The following NR4A2 variants were observed in gnomAD, a reference collection of about 807,000 sequenced individuals.
NR4A2 encodes the protein NGFI-B/nur77 beta-type transcription factor homolog.
NR4A2 carries 1 observed loss-of-function variant against 50.5 expected under a neutral mutation model. The ratio of observed to expected loss-of-function variants is 0.02; its 90% CI spans 0.01 to 0.09. NR4A2 has a LOEUF of 0.09. NR4A2 is among the 10% of genes least tolerant of loss of function. The pLI is 1.00. For synonymous variants in NR4A2, 328 were observed against 309.4 expected (o/e 1.06, Z -0.63); for missense variants, 613 against 777.3 (o/e 0.79, Z 2.51).
Position 156,326,288 on chromosome 2 carries a change from C to T in NR4A2, c.1402G>A (p.Val468Met). Reference sequence around the variant, plus strand: ...ACGCATTGCAACCTGTGCAAGACCACCCCATTGCAAAAGATGAGTTTACCC... The same window carrying T: ...ACGCATTGCAACCTGTGCAAGACCATCCCATTGCAAAAGATGAGTTTACCC... ...VEGKLIFCNGVVLHRLQCVRG... is the reference protein window; with the variant it reads ...VEGKLIFCNGMVLHRLQCVRG... The change falls in exon 7 of 8, where the codon GTG becomes ATG. Residue 468 changes from valine (V) to methionine (M), a missense_variant. Transcript: ENST00000339562. This position sits in a 1 kb window ranked among gnomAD's most constrained non-coding sequence, Gnocchi z 4.2. The T allele has an allele frequency of 1.2e-6, 2 of 1,614,196 alleles. No individual in the cohort carries two copies. Among genetic ancestry groups the T allele is most frequent in the Non-Finnish European group, 1.7e-6 (2 of 1,180,030 alleles).
At position 156,326,699 on chromosome 2, in the gene NR4A2, TC is replaced by T. The variant is rs35479735; in HGVS notation, c.1361+18del. 0.77 allele frequency: 1,237,243 copies of T among 1,611,992 alleles called. 480,222 individuals are homozygous for T. The highest frequency in any genetic ancestry group is 0.9 in the African/African-American group (67,599 of 74,934). On this transcript the variant is annotated intron_variant, in intron 6 of 7. Coordinates refer to ENST00000339562, the MANE Select transcript of NR4A2 (RefSeq NM_006186.4). The surrounding 1 kb of genome is among the most constrained non-coding windows in gnomAD (Gnocchi z 4.2). ...TCTCTCACAGCCTCCCTGGATTGTC[TC>T]CCTCCCTCCCTTATTACCTGTATGC...
chr2:156,328,598 A>T lies in NR4A2; in HGVS notation c.865-65T>A. 1 of 1,608,270 alleles carries T rather than the reference A, an allele frequency of 6.2e-7. No homozygotes were observed. Among genetic ancestry groups the T allele is most frequent in the South Asian group, 1.1e-5 (1 of 90,752 alleles). ...CTTTTGAAAATCAGGCAACTCGGAG[A>T]AAATTTCTGTTATGTGACTGGGGTC... On this transcript the variant is annotated intron_variant, in intron 3 of 7. Transcript: ENST00000339562. This position sits in a 1 kb window ranked among gnomAD's most constrained non-coding sequence, Gnocchi z 4.9.
chr2:156,327,031 T>G, intron 5 of NR4A2, 111 bp from the exon 6 acceptor site: 1 of 957,434 alleles, frequency 1.0e-6, no homozygotes, highest in South Asian at 1.3e-5. Context: ...CAATTAAACC[T>G]CTCTCTGACC....
At chr2:156,332,247 G>A (rs1686965239) in intron 1 of NR4A2, among the ~76,000 whole-genome samples, 4 of 152,068 alleles carry the variant, frequency 2.6e-5, no homozygotes, top group Admixed American at 2.0e-4. Flanking sequence ...CACCAATGAG[G>A]AGCCTGGAAA....
chr2:156,332,557 G>T lies in NR4A2; in HGVS notation c.-204C>A. ...TCCCTCTGGGAGCCCGGGCGCCGGG[G>T]TCGGGTAGGGGTGGGAGAGCTGGGC... On this transcript the variant is annotated 5_prime_UTR_variant, in exon 1 of 8. Transcript: ENST00000339562. The T allele has an allele frequency of 7.9e-7, 1 of 1,267,966 alleles. No homozygotes were observed. Among genetic ancestry groups the T allele is most frequent in the Non-Finnish European group, 1.0e-6 (1 of 969,750 alleles). 78.5% of individuals were successfully genotyped at this position (1,267,966 alleles called of 1,614,324 possible). A position where few individuals can be genotyped will look rare whatever the true frequency, so the allele number is the denominator to read the frequency against.
chr2:156,329,630 G>C lies in NR4A2; in HGVS notation c.557C>G (p.Pro186Arg). The C allele has an allele frequency of 6.2e-7, 1 of 1,613,222 alleles. No homozygotes were observed. The highest frequency in any genetic ancestry group is 8.5e-7 in the Non-Finnish European group (1 of 1,179,580). Residue 186 changes from proline to arginine, a missense_variant, in exon 3 of 8, where the codon CCG becomes CGG. Physicochemically the swap from Pro to Arg is moderately radical, Grantham distance 103 (BLOSUM62 -2). Coordinates refer to ENST00000339562, the MANE Select transcript of NR4A2 (RefSeq NM_006186.4). The surrounding 1 kb of genome is among the most constrained non-coding windows in gnomAD (Gnocchi z 7.5). ...FSFKQSPPGT[P>R]VSSCQMRFDG... ...GAAGCGCATCTGGCAACTAGACACC[G>C]GGGTGCCAGGGGGCGATTGCTTAAA...
chr2:156,327,030 C>T lies in NR4A2; in HGVS notation c.1159-110G>A, dbSNP rs954219331. 4.1e-5 allele frequency: 39 copies of T among 957,306 alleles called. No homozygotes were observed. The Middle Eastern group carries it at 9.1e-4, about 22-fold the overall frequency. The allele number at this position is 957,306 out of a possible 1,614,324, so 59.3% of individuals were successfully genotyped here. ...AGCCAGGTTTTTATAACAATTAAAC[C>T]TCTCTCTGACCAGTAAGGAAATTAG... On this transcript the variant is annotated intron_variant, in intron 5 of 7. Transcript: ENST00000339562.
intron 1 of NR4A2, 112 bp downstream of exon 1, chr2:156,332,368 G>A: frequency 2.2e-6 from 2 of 902,162 alleles, no homozygotes; most frequent in Non-Finnish European, 1.6e-6. Flanking sequence ...CTCACTAGAA[G>A]CCTCTGGCTC....
Position 156,326,160 on chromosome 2 carries a change from A to C in NR4A2, c.1530T>G (p.Ala510=), listed in dbSNP as rs755616853. 1.9e-6 allele frequency: 3 copies of C among 1,614,114 alleles called. No individual in the cohort carries two copies. Among genetic ancestry groups the C allele is most frequent in the South Asian group, 2.2e-5 (2 of 91,092 alleles). Residue 510 remains alanine (A), a synonymous_variant, in exon 7 of 8, where the codon GCT becomes GCG. Transcript: ENST00000339562. This position sits in a 1 kb window ranked among gnomAD's most constrained non-coding sequence, Gnocchi z 4.2. The part of the protein sequence containing the change: ...ISAFSCIAAL[A]MVTERHGLKE... ...GCCTGCAGTACTGACCTGTGACCAT[A>C]GCCAGGGCAGCAATGCAGGAGAAGG...
Position 156,326,236 on chromosome 2 carries a change from G to A in NR4A2, c.1454C>T (p.Ser485Phe). The A allele has an allele frequency of 6.2e-7, 1 of 1,614,150 alleles. No homozygotes were observed. The highest frequency in any genetic ancestry group is 8.5e-7 in the Non-Finnish European group (1 of 1,180,022). ...CAAGTTGGAGGAGAATTCAACAATG[G>A]AATCAATCCATTCCCCAAAGCCACG... ...CVRGFGEWID[S>F]IVEFSSNLQN... The change falls in exon 7 of 8, where the codon TCC becomes TTC. Residue 485 changes from serine to phenylalanine, a missense_variant. By Grantham distance (155) the Ser-to-Phe change is radical. Around this residue, in one of 4 missense-constraint regions of NR4A2, gnomAD observed 250 missense variants for 311.3 expected, o/e 0.80. Coordinates refer to ENST00000339562, the MANE Select transcript of NR4A2 (RefSeq NM_006186.4). This position sits in a 1 kb window ranked among gnomAD's most constrained non-coding sequence, Gnocchi z 4.2.
Position 156,328,032 on chromosome 2 carries a change from T to C in NR4A2, c.995-18A>G. ...GCGAACCACTGCAAAGGAAGAGCCC[T>C]GTTAGCGCCGCTTTTCCGAGCCCAG... On this transcript the variant is annotated intron_variant, in intron 4 of 7. Transcript: ENST00000339562. This position sits in a 1 kb window ranked among gnomAD's most constrained non-coding sequence, Gnocchi z 4.9. The C allele has an allele frequency of 6.2e-7, 1 of 1,600,174 alleles. No homozygotes were observed.
chr2:156,326,369 GA>G lies in NR4A2; in HGVS notation c.1362-42del. 1 of 1,571,030 alleles carries G rather than the reference GA, an allele frequency of 6.4e-7. No individual in the cohort carries two copies. Among genetic ancestry groups the G allele is most frequent in the Non-Finnish European group, 8.8e-7 (1 of 1,140,692 alleles). ...AAGAGAGAGAGGGGAGAAAAAGAGA[GA>G]GAGAAAAGCTAAACAACTAATTACT... On this transcript the variant is annotated intron_variant, in intron 6 of 7. Coordinates refer to ENST00000339562, the MANE Select transcript of NR4A2 (RefSeq NM_006186.4). This position sits in a 1 kb window ranked among gnomAD's most constrained non-coding sequence, Gnocchi z 4.2.
rs1263732199 is a variant in NR4A2 at position 156,329,742 on chromosome 2, G to C, written c.445C>G (p.Leu149Val). Residue 149 changes from leucine to valine, a missense_variant, in exon 3 of 8, where the codon CTC (leucine) becomes GTC (valine). By Grantham distance (32) the Leu-to-Val change is conservative. This residue lies in a region of NR4A2 where 275 missense variants were observed against 248.9 expected (regional missense o/e 1.10). Transcript: ENST00000339562. The surrounding 1 kb of genome is among the most constrained non-coding windows in gnomAD (Gnocchi z 7.5). ...HSPMWDDPGS[L>V]HNFHQNYVAT... ...ACGTAGTTCTGGTGGAAGTTGTGGAGAGATCCCGGGTCGTCCCACATGGGG... is the reference window on the plus strand; with the variant it reads ...ACGTAGTTCTGGTGGAAGTTGTGGACAGATCCCGGGTCGTCCCACATGGGG... The C allele has an allele frequency of 6.2e-7, 1 of 1,613,906 alleles. No homozygotes were observed.
Position 156,330,106 on chromosome 2 carries a change from C to CG in NR4A2, c.80dup (p.Glu29ArgfsTer15). ...TTAAGAAATCGGAGCTGTATTCTCC[C>CG]GAAGAGTGGTAACTGTAGCTCTGAG... On this transcript the variant is annotated frameshift_variant, in exon 3 of 8. Coordinates refer to ENST00000339562, the MANE Select transcript of NR4A2 (RefSeq NM_006186.4). LOFTEE classifies it high-confidence loss of function. 1 of 1,614,108 alleles carries CG rather than the reference C, an allele frequency of 6.2e-7. No homozygotes were observed. Among genetic ancestry groups the CG allele is most frequent in the Non-Finnish European group, 8.5e-7 (1 of 1,180,020 alleles).
Position 156,329,868 on chromosome 2 carries a change from G to C in NR4A2, c.319C>G (p.Pro107Ala), listed in dbSNP as rs763438209. 4.3e-6 allele frequency: 7 copies of C among 1,614,168 alleles called. No homozygotes were observed. Among genetic ancestry groups the C allele is most frequent in the Non-Finnish European group, 5.9e-6 (7 of 1,180,040 alleles). Residue 107 changes from proline (P) to alanine (A), a missense_variant, in exon 3 of 8, where the codon CCC (proline) becomes GCC (alanine). Pro to Ala is a conservative substitution (Grantham distance 27, BLOSUM62 -1). Transcript: ENST00000339562. This position sits in a 1 kb window ranked among gnomAD's most constrained non-coding sequence, Gnocchi z 7.5. ...MHNYQQHSHL[P>A]PQSEEMMPHS... ...GGCATCATCTCCTCAGACTGGGGGG[G>C]CAGGTGGCTGTGTTGCTGGTAGTTG...
Position 156,332,504 on chromosome 2 carries a change from C to A in NR4A2, c.-151G>T. 1 of 1,288,966 alleles carries A rather than the reference C, an allele frequency of 7.8e-7. No homozygotes were observed. The highest frequency in any genetic ancestry group is 1.2e-5 in the South Asian group (1 of 81,006). The allele number at this position is 1,288,966 out of a possible 1,614,324, so 79.8% of individuals were successfully genotyped here. A position where few individuals can be genotyped will look rare whatever the true frequency, so the allele number is the denominator to read the frequency against. ...CTTAGGAGTTCTCCGCGTCTGTCTT[C>A]ATTCATTCAACTCTGCCGAAGTGCA... On this transcript the variant is annotated 5_prime_UTR_variant, in exon 1 of 8. The change abolishes an upstream ATG in the 5' untranslated region. Coordinates refer to ENST00000339562, the MANE Select transcript of NR4A2 (RefSeq NM_006186.4).
In NR4A2 at chr2:156,326,053, G is replaced by C. The variant is rs1040976510; in HGVS notation, c.1541-53C>G. The C allele has an allele frequency of 8.7e-6, 14 of 1,613,698 alleles. No individual in the cohort carries two copies. On this transcript the variant is annotated intron_variant, in intron 7 of 7. Transcript: ENST00000339562. The surrounding 1 kb of genome is among the most constrained non-coding windows in gnomAD (Gnocchi z 4.2). ...GAAGAATGTACAAGACAGTTAGCTAGTTGGCAAAACCAAGGAGAATCTGTG... is the reference window on the plus strand; with the variant it reads ...GAAGAATGTACAAGACAGTTAGCTACTTGGCAAAACCAAGGAGAATCTGTG...
At position 156,326,198 on chromosome 2, in the gene NR4A2, T is replaced by C. The variant is rs557351028; in HGVS notation, c.1492A>G (p.Ile498Val). Residue 498 changes from isoleucine to valine, a missense_variant, in exon 7 of 8, where the codon ATC becomes GTC. Around this residue, in one of 4 missense-constraint regions of NR4A2, gnomAD observed 250 missense variants for 311.3 expected, o/e 0.80. Coordinates refer to ENST00000339562, the MANE Select transcript of NR4A2 (RefSeq NM_006186.4). This position sits in a 1 kb window ranked among gnomAD's most constrained non-coding sequence, Gnocchi z 4.2. ...EFSSNLQNMNIDISAFSCIAA... is the reference protein window; with the variant it reads ...EFSSNLQNMNVDISAFSCIAA... ...ATGCAGGAGAAGGCAGAAATGTCGA[T>C]GTTCATATTCTGCAAGTTGGAGGAG... The C allele has an allele frequency of 6.2e-7, 1 of 1,614,236 alleles. No homozygotes were observed. Among genetic ancestry groups the C allele is most frequent in the African/African-American group, 1.3e-5 (1 of 75,054 alleles).
chr2:156,329,910 C>T lies in NR4A2; in HGVS notation c.277G>A (p.Glu93Lys), dbSNP rs750430277. 6.2e-7 allele frequency: 1 copy of T among 1,614,140 alleles called. No individual in the cohort carries two copies. The highest frequency in any genetic ancestry group is 1.7e-5 in the Admixed American group (1 of 60,012). ...LSGQQSSIKV[E>K]DIQMHNYQQH... Reference sequence around the variant, plus strand: ...TGGTAGTTGTGCATCTGAATGTCTTCTACCTTAATGGAGGACTGCTGTCCG... The same window carrying T: ...TGGTAGTTGTGCATCTGAATGTCTTTTACCTTAATGGAGGACTGCTGTCCG... The change falls in exon 3 of 8, where the codon GAA becomes AAA. Residue 93 changes from glutamate (E) to lysine (K), a missense_variant. By Grantham distance (56) the Glu-to-Lys change is moderately conservative. Coordinates refer to ENST00000339562, the MANE Select transcript of NR4A2 (RefSeq NM_006186.4). The surrounding 1 kb of genome is among the most constrained non-coding windows in gnomAD (Gnocchi z 7.5).
Sources: allele counts gnomAD v4.1 joint callset (sites outside exome capture counted in the v4.1 genomes callset), GRCh38; gene constraint gnomAD v4.1.1; regional missense constraint gnomAD v4.1.1; non-coding constraint Gnocchi (gnomAD v3.1); transcripts MANE v1.5; gene names NCBI Gene and HGNC (gene_info 2026-07-23, HGNC 2026-07-21).